Variants in ATG4B observed in about 807,000 individuals in gnomAD.
The protein encoded by ATG4B is autophagy related 4B cysteine peptidase, also known as cysteine protease ATG4B.
In ATG4B, 29 loss-of-function variants were observed where a neutral mutation model predicts 56.6. The ratio of observed to expected loss-of-function variants is 0.51; its 90% CI spans 0.38 to 0.70. The LOEUF is 0.70. Among genes scored for constraint, ATG4B ranks in the 30% least tolerant of loss-of-function variants. ATG4B has a pLI of 0.00. For missense variants in ATG4B, 461 were observed against 515.5 expected, an observed-to-expected ratio of 0.89 and a Z score of 1.02; for synonymous variants, 224 against 206.1, an observed-to-expected ratio of 1.09 and a Z score of -0.74.
chr2:241,670,880 A>G, intron 11 of ATG4B, 98 bp downstream of exon 11: 6 of 1,274,844 alleles, frequency 4.7e-6, no homozygotes, highest in Non-Finnish European at 6.7e-6. Flanking sequence ...GGTCTCAGGC[A>G]GCCTCACTGG....
At chr2:241,650,108 G>A (rs1054418043) in intron 1 of ATG4B, among the ~76,000 whole-genome samples, 1 of 152,134 alleles carries the variant, frequency 6.6e-6, no homozygotes, top group Admixed American at 6.5e-5. Flanking sequence ...AAGTAAAACA[G>A]AGTAAGATGG....
chr2:241,661,220 C>G (rs574275421), intron 7 of ATG4B, among the ~76,000 whole-genome samples: 1 of 152,330 alleles, frequency 6.6e-6, no homozygotes, highest in African/African-American at 2.4e-5. Flanking sequence ...CGTCAGCTGC[C>G]TGAAAGGACA....
chr2:241,672,070 G>C (rs2068996262), intron 12 of ATG4B, 121 bp from the exon 13 acceptor site: 1 of 1,485,820 alleles, frequency 6.7e-7, no homozygotes, highest in South Asian at 1.3e-5. Context: ...ACCCGCATGG[G>C]GACAGCTGTC....
intron 1 of ATG4B, among the ~76,000 whole-genome samples, chr2:241,643,373 T>A (rs1337596334): frequency 1.3e-5 from 2 of 149,484 alleles, no homozygotes; most frequent in Non-Finnish European, 3.0e-5. Flanking sequence ...TATTTTTTTT[T>A]TTTTTTTTTT....
chr2:241,646,132 T>C, intron 1 of ATG4B, among the ~76,000 whole-genome samples: 1 of 152,214 alleles, frequency 6.6e-6, no homozygotes, highest in East Asian at 1.9e-4. Context: ...ACACCTCTTA[T>C]TCCCTTCACT....
chr2:241,671,474 GCCCCCTT>G (rs2068968436), intron 12 of ATG4B, 69 bp downstream of exon 12: 15 of 1,581,750 alleles, frequency 9.5e-6, no homozygotes, highest in Non-Finnish European at 1.3e-5. Flanking sequence ...CCCAGTCCTG[GCCCCCTT>G]GGTTTTGACC....
rs2069043696 is a variant in ATG4B, at chr2:241,673,336, C to T, written c.*1072C>T. On this transcript the variant is annotated 3_prime_UTR_variant, in exon 13 of 13. Transcript: ENST00000404914. ...GTCCCGGGTCCCAGAGTGCACTCTG[C>T]CCCGCTGCTCTGCTGCCTGTCCTGG... 8.4e-6 allele frequency: 3 copies of T among 355,574 alleles called. No homozygotes were observed. Among genetic ancestry groups the T allele is most frequent in the Non-Finnish European group, 1.7e-5 (3 of 179,162 alleles). The allele number at this position is 355,574 out of a possible 1,614,324, so 22.0% of individuals were successfully genotyped here.
chr2:241,651,379 T>C lies in ATG4B; in HGVS notation c.184+44T>C. 1 of 1,442,534 alleles carries C rather than the reference T, an allele frequency of 6.9e-7. No individual in the cohort carries two copies. The highest frequency in any genetic ancestry group is 9.5e-7 in the Non-Finnish European group (1 of 1,056,678). The allele number at this position is 1,442,534 out of a possible 1,614,324, so 89.4% of individuals were successfully genotyped here. ...TACAACGCGGGACAAAATATGTTTT[T>C]AGGAAGGAGGAAAACTTACGCTTGT... is the stretch of plus-strand genomic sequence containing the variant. On this transcript the variant is annotated intron_variant, in intron 3 of 12. Coordinates refer to ENST00000404914, the MANE Select transcript of ATG4B (RefSeq NM_013325.5). This position sits in a 1 kb window ranked among gnomAD's most constrained non-coding sequence, Gnocchi z 4.1.
At chr2:241,648,668 G>A (rs1242411532) in intron 1 of ATG4B, among the ~76,000 whole-genome samples, 1 of 151,878 alleles carries the variant, frequency 6.6e-6, no homozygotes, top group East Asian at 1.9e-4. Flanking sequence ...TGCTTCATCT[G>A]GCTGCAGCCG....
rs6760572 is a variant in ATG4B at position 241,659,958 on chromosome 2, G to A, written c.538+771G>A. On this transcript the variant is annotated intron_variant, in intron 7 of 12. Coordinates refer to ENST00000404914, the MANE Select transcript of ATG4B (RefSeq NM_013325.5). ...TGTAATCCCAGCACCTTGGGAGGCC[G>A]AGGTGGGTGGATCATGAGGTCAGGA... is the stretch of plus-strand genomic sequence containing the variant. 1.1e-3 allele frequency among the ~76,000 whole-genome samples: 162 copies of A among 152,282 alleles called. 1 individual carries two copies. The highest frequency in any genetic ancestry group is 3.4e-3 in the African/African-American group (143 of 41,552).
At chr2:241,670,584 A>G (rs2068934806) in intron 10 of ATG4B, 142 bp from the exon 11 acceptor site, 5 of 801,514 alleles carry the variant, frequency 6.2e-6, no homozygotes, top group East Asian at 2.7e-5. Flanking sequence ...TCCTGGCCAC[A>G]GGAGCCAAGG....
chr2:241,668,962 G>A lies in ATG4B; in HGVS notation c.957+277G>A, dbSNP rs371702948. On this transcript the variant is annotated intron_variant, in intron 10 of 12. Transcript: ENST00000404914. This position sits in a 1 kb window ranked among gnomAD's most constrained non-coding sequence, Gnocchi z 4.2. ...GAGCGTGTGTGGGCGCGTGCTGAGT[G>A]TGCATGGATGAGTGTGAGCCATGGT... 6.3e-6 allele frequency: 3 copies of A among 477,540 alleles called. No homozygotes were observed. The highest frequency in any genetic ancestry group is 4.1e-5 in the East Asian group (1 of 24,204). The allele number at this position is 477,540 out of a possible 1,614,324, so 29.6% of individuals were successfully genotyped here.
rs1304728766 is a variant in ATG4B, at chr2:241,671,043, C to G, written c.1014+261C>G. On this transcript the variant is annotated intron_variant, in intron 11 of 12. Coordinates refer to ENST00000404914, the MANE Select transcript of ATG4B (RefSeq NM_013325.5). ...GATTTCCAGTGTCCTCATCCGTCTC[C>G]TGTTGAGATGGGGGTGGTGATGGGG... Among the ~76,000 whole-genome samples, 8 of 152,334 alleles carry G rather than the reference C, an allele frequency of 5.3e-5. No individual in the cohort carries two copies. The East Asian group carries it at 1.5e-3, about 29-fold the overall frequency.
rs374777076 is a variant in ATG4B at position 241,666,064 on chromosome 2, G to A, written c.539-581G>A. 3.9e-5 allele frequency among the ~76,000 whole-genome samples: 6 copies of A among 152,358 alleles called. No homozygotes were observed. In the South Asian group the frequency reaches 8.3e-4, roughly 21 times the overall value. ...GTTCTGGGTTAAGCAGATGCTGCAG[G>A]CACCTCTGAACATTCCCTGCCTGGC... On this transcript the variant is annotated intron_variant, in intron 7 of 12. Coordinates refer to ENST00000404914, the MANE Select transcript of ATG4B (RefSeq NM_013325.5).
intron 7 of ATG4B, among the ~76,000 whole-genome samples, chr2:241,664,594 C>G (rs1243805846): frequency 6.6e-6 from 1 of 152,056 alleles, no homozygotes; most frequent in East Asian, 1.9e-4. Context: ...TAGCTCCTAC[C>G]CATAATCGCA....
intron 6 of ATG4B, among the ~76,000 whole-genome samples, chr2:241,656,322 C>T (rs2068403717): frequency 6.6e-6 from 1 of 152,164 alleles, no homozygotes; most frequent in Non-Finnish European, 1.5e-5. Flanking sequence ...TCACCCCCGT[C>T]CCACATCCCC....
At chr2:241,643,690 AT>A (rs200571075) in intron 1 of ATG4B, among the ~76,000 whole-genome samples, 1,960 of 87,676 alleles carry the variant, frequency 0.022, 99 homozygotes, top group African/African-American at 0.1. Context: ...GTATGTATAT[AT>A]TTTCCCCCCC....
intron 7 of ATG4B, among the ~76,000 whole-genome samples, chr2:241,661,037 G>A (rs1314067260): frequency 1.3e-5 from 2 of 152,200 alleles, no homozygotes; most frequent in African/African-American, 2.4e-5. Flanking sequence ...CTCCAGCTCC[G>A]TCCCTTCGGG....
intron 8 of ATG4B, chr2:241,667,923 G>A: frequency 1.9e-6 from 1 of 536,574 alleles, no homozygotes; most frequent in Admixed American, 3.4e-5. Flanking sequence ...CCTCTGACAT[G>A]AAGCTTCCCT....
Sources: gnomAD v4.1 joint callset for allele counts (sites outside exome capture counted in the v4.1 genomes callset) on GRCh38, gnomAD v4.1.1 for gene constraint, Gnocchi (gnomAD v3.1) non-coding constraint, MANE v1.5 for transcripts, NCBI Gene and HGNC (gene_info 2026-07-23, HGNC 2026-07-21) for gene names.